Variants in ZSCAN32 observed in about 807,000 individuals in gnomAD.
ZSCAN32 encodes zinc finger and SCAN domain-containing protein 32.
A neutral mutation model predicts 47.4 loss-of-function variants in ZSCAN32; 52 were observed. The ratio of observed to expected loss-of-function variants is 1.10; its 90% CI spans 0.88 to 1.38. The LOEUF (loss-of-function observed/expected upper bound fraction) is 1.38. ZSCAN32 is among the 40% of genes most tolerant of loss of function. The pLI, the probability that ZSCAN32 is intolerant of heterozygous loss-of-function variation, is 0.00. For missense variants in ZSCAN32, 959 were observed against 846.0 expected, an observed-to-expected ratio of 1.13 and a Z score of -1.66; for synonymous variants, 346 against 305.7, an observed-to-expected ratio of 1.13 and a Z score of -1.38.
chr16:3,383,881 C>T (rs2031588791), intron 6 of ZSCAN32, 170 bp from the exon 7 acceptor site: 5 of 824,572 alleles, frequency 6.1e-6, no homozygotes, highest in Non-Finnish European at 7.1e-6. Context: ...TATTTTTGAG[C>T]TCCAAATTAT....
At position 3,397,602 on chromosome 16, in the gene ZSCAN32, G is replaced by C; in HGVS notation, c.-45C>G. On this transcript the variant is annotated 5_prime_UTR_variant, in exon 2 of 7. Transcript: ENST00000396852. ...TACTCTGGTTGCCACTTCTACCCTG[G>C]AGATCAGAGTCCATCTTTCCCACAT... 1 of 1,471,000 alleles carries C rather than the reference G, an allele frequency of 6.8e-7. No individual in the cohort carries two copies. The highest frequency in any genetic ancestry group is 1.4e-5 in the African/African-American group (1 of 70,628). The allele number at this position is 1,471,000 out of a possible 1,614,324, so 91.1% of individuals were successfully genotyped here. A position where few individuals can be genotyped will look rare whatever the true frequency, so the allele number is the denominator to read the frequency against.
intron 5 of ZSCAN32, among the ~76,000 whole-genome samples, chr16:3,389,708 G>A (rs933574758): frequency 6.6e-6 from 1 of 152,176 alleles, no homozygotes; most frequent in Non-Finnish European, 1.5e-5. Flanking sequence ...TGTGCTCCTG[G>A]TGGCCACCTG....
intron 5 of ZSCAN32, among the ~76,000 whole-genome samples, chr16:3,386,382 G>A (rs1007229820): frequency 1.7e-4 from 26 of 151,994 alleles, no homozygotes; most frequent in African/African-American, 5.1e-4. Flanking sequence ...AGTCAGTGTC[G>A]CGATTCCTCA....
At chr16:3,390,349 T>C in intron 4 of ZSCAN32, 74 bp downstream of exon 4, 1 of 1,422,426 alleles carries the variant, frequency 7.0e-7, no homozygotes, top group Non-Finnish European at 9.5e-7. Context: ...ATCTTTCTCA[T>C]GTCTCTGGAA....
Position 3,397,459 on chromosome 16 carries a change from G to C in ZSCAN32, c.99C>G (p.Ser33=). Residue 33 remains serine, a synonymous_variant, in exon 2 of 7, where the codon TCC becomes TCG. Coordinates refer to ENST00000396852, the MANE Select transcript of ZSCAN32 (RefSeq NM_001284527.2). ...KSALQGNSPD[S]EASRQRFRQF... is the part of the protein sequence containing the mutation. ...GCCTGAAGCGCTGACGGGAGGCCTC[G>C]GAGTCAGGGCTGTTACCCTGGAGGG... 12 of 1,550,782 alleles carry C rather than the reference G, an allele frequency of 7.7e-6. No homozygotes were observed. The highest frequency in any genetic ancestry group is 8.7e-6 in the Non-Finnish European group (10 of 1,147,090).
Position 3,383,687 on chromosome 16 carries a change from T to C in ZSCAN32, c.1259A>G (p.Lys420Arg), listed in dbSNP as rs752755140. The change falls in exon 7 of 7, where the codon AAA (lysine) becomes AGA (arginine). Residue 420 changes from lysine to arginine, a missense_variant. Transcript: ENST00000396852. ...ATCATCCCATTTTAGATTTTCTTTT[T>C]TAATCTCGTTCTTGAACTCAAAACC... ...RLGFEFKNEI[K>R]KENLKWDDSE... 1 of 1,589,046 alleles carries C rather than the reference T, an allele frequency of 6.3e-7. No individual in the cohort carries two copies. Among genetic ancestry groups the C allele is most frequent in the Non-Finnish European group, 8.5e-7 (1 of 1,173,522 alleles).
In ZSCAN32 at chr16:3,397,529, G is replaced by C; in HGVS notation, c.29C>G (p.Ala10Gly). Residue 10 changes from alanine to glycine, a missense_variant, in exon 2 of 7, where the codon GCA (alanine) becomes GGA (glycine). Ala to Gly is a moderately conservative substitution (Grantham distance 60). Transcript: ENST00000396852. MMAAVKSTEAHPSSNKDPTQ... is the reference protein window; with the variant it reads MMAAVKSTEGHPSSNKDPTQ... ...GGGATCCTTGTTTGAGGATGGGTGTGCCTCGGTACTCTTCACTGCAGCCAT... is the reference window on the plus strand; with the variant it reads ...GGGATCCTTGTTTGAGGATGGGTGTCCCTCGGTACTCTTCACTGCAGCCAT... 1.9e-6 allele frequency: 3 copies of C among 1,547,640 alleles called. No individual in the cohort carries two copies. Among genetic ancestry groups the C allele is most frequent in the Non-Finnish European group, 2.6e-6 (3 of 1,144,950 alleles).
At position 3,383,106 on chromosome 16, in the gene ZSCAN32, ATC is replaced by A; in HGVS notation, c.1838_1839del (p.Arg613IlefsTer32). 1 of 1,614,102 alleles carries A rather than the reference ATC, an allele frequency of 6.2e-7. No individual in the cohort carries two copies. Among genetic ancestry groups the A allele is most frequent in the Non-Finnish European group, 8.5e-7 (1 of 1,180,020 alleles). On this transcript the variant is annotated frameshift_variant, in exon 7 of 7. Transcript: ENST00000396852. LOFTEE classifies it low-confidence loss of function (END_TRUNC). ...KPYQCIVCGKRFNNSSQFSAH... is the reference protein window; with the variant it reads ...KPYQCIVCGKXFNNSSQFSAH... ...GCACTGAACTGGGAACTGTTGTTGA[ATC>A]TCTTTCCACAGACAATGCACTGGTA...
chr16:3,391,807 T>C (rs994385055), intron 3 of ZSCAN32, among the ~76,000 whole-genome samples: 1 of 152,172 alleles, frequency 6.6e-6, no homozygotes, highest in African/African-American at 2.4e-5. Context: ...GGCACATGCC[T>C]GTATTCCCAG....
chr16:3,390,823 G>A (rs143259043), intron 3 of ZSCAN32, among the ~76,000 whole-genome samples: 46 of 152,148 alleles, frequency 3.0e-4, no homozygotes, highest in African/African-American at 9.6e-4. Flanking sequence ...CTTGGCATAA[G>A]AGCTTTAATT....
At chr16:3,386,112 C>T (rs1014138241) in intron 5 of ZSCAN32, among the ~76,000 whole-genome samples, 18 of 152,044 alleles carry the variant, frequency 1.2e-4, no homozygotes, top group African/African-American at 4.1e-4. Context: ...AAAACAACCC[C>T]ATCAAAAAGT....
At position 3,384,767 on chromosome 16, in the gene ZSCAN32, T is replaced by C; in HGVS notation, c.926A>G (p.Lys309Arg). ...FLRTPEQCRTKFKSLQLSYRK... is the reference protein window; with the variant it reads ...FLRTPEQCRTRFKSLQLSYRK... ...GTAACTCAACTGTAGGCTTTTGAACTTGGTGCGACACTGTTCTGGGGTCCG... is the reference window on the plus strand; with the variant it reads ...GTAACTCAACTGTAGGCTTTTGAACCTGGTGCGACACTGTTCTGGGGTCCG... The change falls in exon 6 of 7, where the codon AAG becomes AGG. Residue 309 changes from lysine to arginine, a missense_variant. Coordinates refer to ENST00000396852, the MANE Select transcript of ZSCAN32 (RefSeq NM_001284527.2). 1 of 1,614,196 alleles carries C rather than the reference T, an allele frequency of 6.2e-7. No homozygotes were observed. The highest frequency in any genetic ancestry group is 8.5e-7 in the Non-Finnish European group (1 of 1,180,030).
Position 3,390,134 on chromosome 16 carries a change from C to G in ZSCAN32, c.628-1G>C. ...CTCTGTTGTCACGCATGGCTGGTCC[C>G]TGTAACAACACTGGAGCTGCTGCTA... On this transcript the variant is annotated splice_acceptor_variant, in intron 4 of 6. Transcript: ENST00000396852. LOFTEE classifies it high-confidence loss of function. The G allele has an allele frequency of 6.2e-7, 1 of 1,607,314 alleles. No homozygotes were observed. Among genetic ancestry groups the G allele is most frequent in the East Asian group, 2.2e-5 (1 of 44,702 alleles).
In ZSCAN32 at chr16:3,382,292, C is replaced by G. The variant is rs946408633; in HGVS notation, c.*560G>C. The stretch of plus-strand genomic sequence containing the variant: ...TTGTGCTTGCTCTAAGGTTAAGTCA[C>G]TTAGGGAAACAGATTCAGTATTATC... On this transcript the variant is annotated 3_prime_UTR_variant, in exon 7 of 7. Coordinates refer to ENST00000396852, the MANE Select transcript of ZSCAN32 (RefSeq NM_001284527.2). 13 of 152,294 alleles carry G rather than the reference C, an allele frequency of 8.5e-5. No homozygotes were observed. In the East Asian group the frequency reaches 2.5e-3, roughly 29 times the overall value. The allele number at this position is 152,294 out of a possible 1,614,324, so 9.4% of individuals were successfully genotyped here. A position where few individuals can be genotyped will look rare whatever the true frequency, so the allele number is the denominator to read the frequency against.
intron 5 of ZSCAN32, among the ~76,000 whole-genome samples, chr16:3,388,320 T>C (rs2032251168): frequency 6.6e-6 from 1 of 152,214 alleles, no homozygotes; most frequent in Non-Finnish European, 1.5e-5. Flanking sequence ...TATGGCTGCA[T>C]AGCTCATCCC....
intron 5 of ZSCAN32, among the ~76,000 whole-genome samples, chr16:3,389,436 G>C (rs1169636224): frequency 6.6e-6 from 1 of 152,216 alleles, no homozygotes; most frequent in African/African-American, 2.4e-5. Context: ...TGCATGGTCA[G>C]GGAGGCTGCT....
chr16:3,392,836 GAAAC>G (rs999565881), intron 3 of ZSCAN32, among the ~76,000 whole-genome samples: 4 of 150,718 alleles, frequency 2.7e-5, no homozygotes, highest in Non-Finnish European at 4.4e-5. Flanking sequence ...AAAAAACAAA[GAAAC>G]AAAAAAAGTT....
Position 3,390,407 on chromosome 16 carries a change from A to G in ZSCAN32, c.627+16T>C, listed in dbSNP as rs904641449. 1 of 1,544,018 alleles carries G rather than the reference A, an allele frequency of 6.5e-7. No homozygotes were observed. Among genetic ancestry groups the G allele is most frequent in the African/African-American group, 1.4e-5 (1 of 72,742 alleles). ...AGTGGGTACTCAAGAGACAGAAGGCATCAACCACAGCTCACCTGGGACCCA... is the reference window on the plus strand; with the variant it reads ...AGTGGGTACTCAAGAGACAGAAGGCGTCAACCACAGCTCACCTGGGACCCA... On this transcript the variant is annotated intron_variant, in intron 4 of 6. Coordinates refer to ENST00000396852, the MANE Select transcript of ZSCAN32 (RefSeq NM_001284527.2).
At chr16:3,386,778 C>T (rs553032259) in intron 5 of ZSCAN32, among the ~76,000 whole-genome samples, 10 of 151,906 alleles carry the variant, frequency 6.6e-5, no homozygotes, top group Non-Finnish European at 8.8e-5. Context: ...ACATCACACA[C>T]GGAGGCCTGT....
Sources: gnomAD v4.1 joint callset for allele counts (sites outside exome capture counted in the v4.1 genomes callset) on GRCh38, gnomAD v4.1.1 for gene constraint, MANE v1.5 for transcripts, NCBI Gene and HGNC (gene_info 2026-07-23, HGNC 2026-07-21) for gene names.